The following RBFOX3 variants were observed in gnomAD, a reference collection of about 807,000 sequenced individuals.
The protein encoded by RBFOX3 is RNA binding protein fox-1 homolog 3.
A neutral mutation model predicts 48.7 loss-of-function variants in RBFOX3; 17 were observed. The observed-to-expected ratio is 0.35, with a 90% CI of 0.24 to 0.52. RBFOX3 has a LOEUF of 0.52. Among genes scored for constraint, RBFOX3 ranks in the 20% least tolerant of loss-of-function variants. The pLI, the probability that RBFOX3 is intolerant of heterozygous loss-of-function variation, is 0.94. For synonymous variants in RBFOX3, 212 were observed against 209.5 expected (o/e 1.01, Z -0.10); for missense variants, 382 against 497.5 (o/e 0.77, Z 2.21).
intron 2 of RBFOX3, among the ~76,000 whole-genome samples, chr17:79,398,087 G>A (rs992316656): frequency 6.6e-6 from 1 of 152,130 alleles, no homozygotes; most frequent in Non-Finnish European, 1.5e-5. Context: ...GCCTTGTCGG[G>A]GCCCCAGAGT....
At chr17:79,116,582 G>C (rs993744490) in intron 4 of RBFOX3, among the ~76,000 whole-genome samples, 2 of 152,264 alleles carry the variant, frequency 1.3e-5, no homozygotes, top group African/African-American at 4.8e-5. Flanking sequence ...TGCCCAGCCC[G>C]CACCTGGATC....
intron 9 of RBFOX3, among the ~76,000 whole-genome samples, chr17:79,100,778 G>A (rs551265507): frequency 1.5e-4 from 23 of 152,358 alleles, no homozygotes; most frequent in African/African-American, 5.0e-4. Flanking sequence ...GCCGGATGGA[G>A]TTAAGACTCG....
At chr17:79,592,483 C>A (rs1048990605) in intron 1 of RBFOX3, among the ~76,000 whole-genome samples, 1 of 151,942 alleles carries the variant, frequency 6.6e-6, no homozygotes, top group Non-Finnish European at 1.5e-5. Context: ...TGCATGTGTA[C>A]GTGCGTTTAT....
chr17:79,217,402 C>T (rs1367584402), intron 4 of RBFOX3, among the ~76,000 whole-genome samples: 1 of 152,232 alleles, frequency 6.6e-6, no homozygotes, highest in Non-Finnish European at 1.5e-5. Flanking sequence ...AGGTCCCATC[C>T]TGCATCTCGG....
At chr17:79,200,183 A>AT (rs1555603338) in intron 4 of RBFOX3, among the ~76,000 whole-genome samples, 1 of 151,150 alleles carries the variant, frequency 6.6e-6, no homozygotes, top group Non-Finnish European at 1.5e-5. Flanking sequence ...AAAAAAAAAA[A>AT]TTGGGAGAAA....
the RBFOX3 span, among the ~76,000 whole-genome samples, chr17:79,648,533 CCCTGCAAACAGCAAGTACTCCACGA>C: frequency 1.3e-5 from 2 of 152,324 alleles, no homozygotes; most frequent in South Asian, 4.1e-4. Flanking sequence ...GTCCAGCAAG[CCCTGCAAACAGCAAGTACTCCACGA>C]TGTTAGCTGT....
rs75136645 is a variant in RBFOX3 at position 79,415,230 on chromosome 17, G to A, written c.-175+67224C>T. On this transcript the variant is annotated intron_variant, in intron 2 of 14. Transcript: ENST00000693108. The stretch of plus-strand genomic sequence containing the variant: ...AATACCTGGTAGAATCTTTGTATTC[G>A]TTTAAGCCCAGATGAGTTCCAAAGA... Among the ~76,000 whole-genome samples, 1,168 of 152,332 alleles carry A rather than the reference G, an allele frequency of 7.7e-3. 18 individuals are homozygous for A. The highest frequency in any genetic ancestry group is 0.026 in the African/African-American group (1,095 of 41,570).
At chr17:79,580,414 GC>G (rs1470839449) in intron 1 of RBFOX3, among the ~76,000 whole-genome samples, 1 of 151,622 alleles carries the variant, frequency 6.6e-6, no homozygotes, top group African/African-American at 2.4e-5. Flanking sequence ...TTAAACCACA[GC>G]CCCCCAGCCA....
At chr17:79,459,885 GA>G (rs1180597553) in intron 2 of RBFOX3, among the ~76,000 whole-genome samples, 6 of 152,262 alleles carry the variant, frequency 3.9e-5, no homozygotes, top group African/African-American at 1.4e-4. Flanking sequence ...TGTGTGACTG[GA>G]ATAGTCAATA....
intron 2 of RBFOX3, among the ~76,000 whole-genome samples, chr17:79,459,868 T>C (rs1555747634): frequency 6.6e-6 from 1 of 152,182 alleles, no homozygotes. Context: ...TAGTCCCACA[T>C]GTCTATTGTG....
chr17:79,651,617 C>A, the RBFOX3 span, among the ~76,000 whole-genome samples: 7 of 139,050 alleles, frequency 5.0e-5, no homozygotes, highest in Non-Finnish European at 1.1e-4. Context: ...TTCTCTCTTG[C>A]CCCCTTTCCT....
chr17:79,432,970 T>G (rs531204441), intron 2 of RBFOX3, among the ~76,000 whole-genome samples: 1 of 152,324 alleles, frequency 6.6e-6, no homozygotes, highest in Non-Finnish European at 1.5e-5. Context: ...CCCTCTTCTC[T>G]TGCTCCCCCT....
chr17:79,618,851 C>T, the RBFOX3 span, among the ~76,000 whole-genome samples: 1 of 152,086 alleles, frequency 6.6e-6, no homozygotes, highest in Non-Finnish European at 1.5e-5. Context: ...GAAAACTAGG[C>T]TCAGCAGGCC....
At chr17:79,627,853 G>A in the RBFOX3 span, among the ~76,000 whole-genome samples, 1 of 152,138 alleles carries the variant, frequency 6.6e-6, no homozygotes, top group Non-Finnish European at 1.5e-5. Context: ...AAGGGCAGCC[G>A]GCGGAGGGAG....
intron 4 of RBFOX3, among the ~76,000 whole-genome samples, chr17:79,202,175 G>A (rs1276608847): frequency 3.9e-5 from 6 of 152,094 alleles, no homozygotes; most frequent in African/African-American, 1.2e-4. Flanking sequence ...AAGACACCCC[G>A]GGGTGTGGTG....
At chr17:79,294,455 C>T (rs1357437803) in intron 3 of RBFOX3, among the ~76,000 whole-genome samples, 2 of 152,130 alleles carry the variant, frequency 1.3e-5, no homozygotes, top group Non-Finnish European at 2.9e-5. Context: ...GGACTTCAGG[C>T]GCCTGCCACC....
intron 2 of RBFOX3, among the ~76,000 whole-genome samples, chr17:79,404,856 G>T (rs1197277467): frequency 6.6e-6 from 1 of 152,210 alleles, no homozygotes; most frequent in Non-Finnish European, 1.5e-5. Flanking sequence ...TCCTCTATAT[G>T]TGTTTGACCT....
intron 3 of RBFOX3, among the ~76,000 whole-genome samples, chr17:79,300,865 T>C (rs2075204063): frequency 6.6e-6 from 1 of 152,106 alleles, no homozygotes; most frequent in Non-Finnish European, 1.5e-5. Context: ...TGGGAGAAAA[T>C]GGACATTCCA....
At chr17:79,244,868 C>T (rs1273091527) in intron 3 of RBFOX3, among the ~76,000 whole-genome samples, 2 of 145,728 alleles carry the variant, frequency 1.4e-5, no homozygotes, top group East Asian at 2.0e-4. Context: ...TTTCCTTTCC[C>T]TTCCCTTTCC....
Sources: allele counts gnomAD v4.1 joint callset (sites outside exome capture counted in the v4.1 genomes callset), GRCh38; gene constraint gnomAD v4.1.1; transcripts MANE v1.5; gene names NCBI Gene and HGNC (gene_info 2026-07-23, HGNC 2026-07-21).